MMP21: variants seen among roughly 807,000 people sequenced by gnomAD.
The protein encoded by MMP21 is matrix metallopeptidase 21.
In MMP21, 40 loss-of-function variants were observed where a neutral mutation model predicts 47.8. The ratio of observed to expected loss-of-function variants is 0.84; its 90% CI spans 0.65 to 1.09. The LOEUF is 1.09. MMP21 is among the 50% of genes least tolerant of loss of function. The pLI is 0.00. For synonymous variants in MMP21, 341 were observed against 318.0 expected, an observed-to-expected ratio of 1.07 and a Z score of -0.77; for missense variants, 747 against 775.3, an observed-to-expected ratio of 0.96 and a Z score of 0.43.
At position 125,774,084 on chromosome 10, in the gene MMP21, C is replaced by G; in HGVS notation, c.444G>C (p.Ala148=). 7.2e-7 allele frequency: 1 copy of G among 1,380,480 alleles called. No individual in the cohort carries two copies. The highest frequency in any genetic ancestry group is 9.3e-7 in the Non-Finnish European group (1 of 1,072,450). 85.5% of individuals were successfully genotyped at this position (1,380,480 alleles called of 1,614,324 possible). A position where few individuals can be genotyped will look rare whatever the true frequency, so the allele number is the denominator to read the frequency against. Residue 148 remains alanine (A), a synonymous_variant, in exon 2 of 7, where the codon GCG becomes GCC. Coordinates refer to ENST00000368808, the MANE Select transcript of MMP21 (RefSeq NM_147191.1). The part of the protein sequence containing the change: ...PRARSRRSPR[A]PLSLSRRGWQ... ...AACCCCGCCGGGACAAGGACAGCGGCGCCCGCGGGGAGCGCCTGGAGCGGG... is the reference window on the plus strand; with the variant it reads ...AACCCCGCCGGGACAAGGACAGCGGGGCCCGCGGGGAGCGCCTGGAGCGGG...
intron 4 of MMP21, among the ~76,000 whole-genome samples, chr10:125,771,316 T>A (rs778601284): frequency 3.1e-4 from 47 of 152,098 alleles, no homozygotes; most frequent in Admixed American, 2.1e-3. Flanking sequence ...GGCAAGTCCG[T>A]GTGTCCTGGC....
chr10:125,770,240 C>T, intron 5 of MMP21, 94 bp downstream of exon 5: 1 of 1,289,682 alleles, frequency 7.8e-7, no homozygotes, highest in Non-Finnish European at 1.1e-6. Flanking sequence ...ATGACAAGAG[C>T]ATTACAACAG....
In MMP21 at chr10:125,770,420, G is replaced by C; in HGVS notation, c.1151C>G (p.Thr384Ser). 3.1e-6 allele frequency: 5 copies of C among 1,614,248 alleles called. No homozygotes were observed. Among genetic ancestry groups the C allele is most frequent in the Non-Finnish European group, 4.2e-6 (5 of 1,180,048 alleles). The change falls in exon 5 of 7, where the codon ACT (threonine) becomes AGT (serine). Residue 384 changes from threonine to serine, a missense_variant. Thr to Ser is a moderately conservative substitution (Grantham distance 58, BLOSUM62 1). Transcript: ENST00000368808. ...GTGTGTTGGGATTCCAGGCCAGCCA[G>C]TGAGGATTTGGATAGGGTCCCCATA... ...TRYGDPIQIL[T>S]GWPGIPTHNI...
intron 5 of MMP21, 73 bp downstream of exon 5, chr10:125,770,261 A>G (rs1850430822): frequency 1.4e-6 from 2 of 1,476,266 alleles, no homozygotes; most frequent in Non-Finnish European, 9.3e-7. Flanking sequence ...ATTCCTTGGT[A>G]GGGGCTCAAG....
Position 125,774,353 on chromosome 10 carries a change from T to C in MMP21, c.175A>G (p.Arg59Gly). Reference sequence around the variant, plus strand: ...GCCCACACCCCTGACCAGCCGTATCTGGACAGGAACCGCTGTGGGAGAGAA... The same window carrying C: ...GCCCACACCCCTGACCAGCCGTATCCGGACAGGAACCGCTGTGGGAGAGAA... ...DLHAAQRFLSRYGWSGVWAAW... is the reference protein window; with the variant it reads ...DLHAAQRFLSGYGWSGVWAAW... Residue 59 changes from arginine to glycine, a missense_variant, in exon 2 of 7, where the codon AGA becomes GGA. Transcript: ENST00000368808. The C allele has an allele frequency of 7.3e-7, 1 of 1,376,852 alleles. No individual in the cohort carries two copies. The highest frequency in any genetic ancestry group is 9.3e-7 in the Non-Finnish European group (1 of 1,070,096). The allele number at this position is 1,376,852 out of a possible 1,614,324, so 85.3% of individuals were successfully genotyped here. A position where few individuals can be genotyped will look rare whatever the true frequency, so the allele number is the denominator to read the frequency against.
chr10:125,771,772 A>G (rs1191833690), intron 4 of MMP21, among the ~76,000 whole-genome samples: 1 of 152,094 alleles, frequency 6.6e-6, no homozygotes, highest in Non-Finnish European at 1.5e-5. Context: ...ATCACTAACC[A>G]CTTTAATTAA....
At chr10:125,768,074 C>T (rs1850405421) in intron 5 of MMP21, among the ~76,000 whole-genome samples, 1 of 152,128 alleles carries the variant, frequency 6.6e-6, no homozygotes, top group South Asian at 2.1e-4. Flanking sequence ...TTTTTTTCTT[C>T]TTCCTTTATA....
At position 125,772,319 on chromosome 10, in the gene MMP21, T is replaced by G; in HGVS notation, c.878A>C (p.His293Pro). 6.2e-7 allele frequency: 1 copy of G among 1,614,106 alleles called. No individual in the cohort carries two copies. The part of the protein sequence containing the change: ...HEIGHVLGLP[H>P]TYRTGSIMQP... Reference sequence around the variant, plus strand: ...CATTATGGATCCCGTCCTGTAGGTGTGAGGCAAGCCCAGGACATGGCCAAT... The same window carrying G: ...CATTATGGATCCCGTCCTGTAGGTGGGAGGCAAGCCCAGGACATGGCCAAT... The change falls in exon 4 of 7, where the codon CAC (histidine) becomes CCC (proline). Residue 293 changes from histidine (H) to proline (P), a missense_variant. By Grantham distance (77) the His-to-Pro change is moderately conservative (BLOSUM62 -2). Coordinates refer to ENST00000368808, the MANE Select transcript of MMP21 (RefSeq NM_147191.1). The surrounding 1 kb of genome is among the most constrained non-coding windows in gnomAD (Gnocchi z 5.6).
rs961205419 is a variant in MMP21, at chr10:125,773,137, C to A, written c.698-387G>T. ...TTTGTCTTTTTCAGCCAACCGTGTCCCTATACTTCTCACCCTGGGACATTA... is the reference window on the plus strand; with the variant it reads ...TTTGTCTTTTTCAGCCAACCGTGTCACTATACTTCTCACCCTGGGACATTA... On this transcript the variant is annotated intron_variant, in intron 2 of 6. Coordinates refer to ENST00000368808, the MANE Select transcript of MMP21 (RefSeq NM_147191.1). This position sits in a 1 kb window ranked among gnomAD's most constrained non-coding sequence, Gnocchi z 4.8. Among the ~76,000 whole-genome samples, 2 of 152,166 alleles carry A rather than the reference C, an allele frequency of 1.3e-5. No individual in the cohort carries two copies. Among genetic ancestry groups the A allele is most frequent in the African/African-American group, 4.8e-5 (2 of 41,428 alleles).
intron 1 of MMP21, 32 bp from the exon 2 acceptor site, chr10:125,774,397 C>T (rs1850493007): frequency 3.0e-6 from 4 of 1,312,798 alleles, no homozygotes; most frequent in Non-Finnish European, 3.9e-6. Context: ...TAATCTGGGC[C>T]GCCTCGCTCG....
At chr10:125,770,289 AT>A (rs759773945) in intron 5 of MMP21, 44 bp downstream of exon 5, 1 of 1,600,296 alleles carries the variant, frequency 6.2e-7, no homozygotes, top group Non-Finnish European at 8.5e-7. Flanking sequence ...TTCTGAGTGC[AT>A]TCGTTTAATG....
In MMP21 at chr10:125,770,395, G is replaced by T. The variant is rs1446529277; in HGVS notation, c.1176C>A (p.His392Gln). 6.2e-7 allele frequency: 1 copy of T among 1,614,134 alleles called. No individual in the cohort carries two copies. Among genetic ancestry groups the T allele is most frequent in the Non-Finnish European group, 8.5e-7 (1 of 1,179,992 alleles). The change falls in exon 5 of 7, where the codon CAC becomes CAA. Residue 392 changes from histidine to glutamine, a missense_variant. Physicochemically the swap from His to Gln is conservative, Grantham distance 24. Coordinates refer to ENST00000368808, the MANE Select transcript of MMP21 (RefSeq NM_147191.1). ...AGATGTGAACAAAGGCATCTATGTT[G>T]TGTGTTGGGATTCCAGGCCAGCCAG... ...ILTGWPGIPTHNIDAFVHIWT... is the reference protein window; with the variant it reads ...ILTGWPGIPTQNIDAFVHIWT...
intron 1 of MMP21, among the ~76,000 whole-genome samples, chr10:125,775,373 T>G (rs2133785367): frequency 6.6e-6 from 1 of 152,366 alleles, no homozygotes; most frequent in Non-Finnish European, 1.5e-5. Flanking sequence ...CAGTATCACA[T>G]GCTTGCCTTT....
At chr10:125,768,152 T>G (rs1466055714) in intron 5 of MMP21, among the ~76,000 whole-genome samples, 1 of 152,216 alleles carries the variant, frequency 6.6e-6, no homozygotes, top group Non-Finnish European at 1.5e-5. Context: ...CTAATCAATC[T>G]AAGTTCTTTT....
In MMP21 at chr10:125,770,343, A is replaced by C. The variant is rs750926499; in HGVS notation, c.1228T>G (p.Phe410Val). Reference protein sequence around the residue: ...IWTWKRDERYFFQGNQYWRYD... With the variant: ...IWTWKRDERYVFQGNQYWRYD... ...CATGAAGAATCTGTACCTTGAAAAA[A>C]ATAACGTTCATCTCTTTTCCATGTC... Residue 410 changes from phenylalanine to valine, a missense_variant, in exon 5 of 7, where the codon TTT becomes GTT. By Grantham distance (50) the Phe-to-Val change is conservative. Coordinates refer to ENST00000368808, the MANE Select transcript of MMP21 (RefSeq NM_147191.1). 1.9e-6 allele frequency: 3 copies of C among 1,614,192 alleles called. No individual in the cohort carries two copies. The Admixed American group carries it at 5.0e-5, about 27-fold the overall frequency.
At chr10:125,767,873 C>G (rs1470699152) in intron 5 of MMP21, among the ~76,000 whole-genome samples, 169 bp from the exon 6 acceptor site, 1 of 152,168 alleles carries the variant, frequency 6.6e-6, no homozygotes, top group Admixed American at 6.5e-5. Flanking sequence ...CGCCATTTCC[C>G]CGCGTCTTGA....
Position 125,766,876 on chromosome 10 carries a change from T to C in MMP21, c.1496A>G (p.Gln499Arg), listed in dbSNP as rs752714945. 1 of 1,613,640 alleles carries C rather than the reference T, an allele frequency of 6.2e-7. No homozygotes were observed. Among genetic ancestry groups the C allele is most frequent in the East Asian group, 2.2e-5 (1 of 44,832 alleles). ...ITEVFPAVIP[Q>R]NHPFRNIDSA... ...ATCTATATTTCTGAAAGGATGATTTTGTGGTATTACTGCTGGAAAAACTTC... is the reference window on the plus strand; with the variant it reads ...ATCTATATTTCTGAAAGGATGATTTCGTGGTATTACTGCTGGAAAAACTTC... The change falls in exon 7 of 7, where the codon CAA (glutamine) becomes CGA (arginine). Residue 499 changes from glutamine (Q) to arginine (R), a missense_variant. Coordinates refer to ENST00000368808, the MANE Select transcript of MMP21 (RefSeq NM_147191.1).
rs1339275467 is a variant in MMP21, at chr10:125,772,312, G to A, written c.885C>T (p.Tyr295=). 2 of 1,614,080 alleles carry A rather than the reference G, an allele frequency of 1.2e-6. No homozygotes were observed. Among genetic ancestry groups the A allele is most frequent in the African/African-American group, 2.7e-5 (2 of 74,924 alleles). The change falls in exon 4 of 7, where the codon TAC becomes TAT. Residue 295 remains tyrosine (Y), a synonymous_variant. Transcript: ENST00000368808. The surrounding 1 kb of genome is among the most constrained non-coding windows in gnomAD (Gnocchi z 5.6). ...TTGGTTGCATTATGGATCCCGTCCT[G>A]TAGGTGTGAGGCAAGCCCAGGACAT... ...IGHVLGLPHT[Y]RTGSIMQPNY... is the part of the protein sequence containing the mutation.
chr10:125,775,396 G>A (rs1428453859), intron 1 of MMP21, among the ~76,000 whole-genome samples: 4 of 152,240 alleles, frequency 2.6e-5, no homozygotes, highest in Non-Finnish European at 5.9e-5. Flanking sequence ...AAAGGCACTT[G>A]GCATTTGAGT....
Sources: gnomAD v4.1 joint callset for allele counts (sites outside exome capture counted in the v4.1 genomes callset) on GRCh38, gnomAD v4.1.1 for gene constraint, Gnocchi (gnomAD v3.1) non-coding constraint, MANE v1.5 for transcripts, NCBI Gene and HGNC (gene_info 2026-07-23, HGNC 2026-07-21) for gene names.